FAM135A: variants seen among roughly 807,000 people sequenced by gnomAD.
FAM135A encodes family with sequence similarity 135 member A, also known as protein FAM135A.
A neutral mutation model predicts 146.8 loss-of-function variants in FAM135A; 79 were observed. The ratio of observed to expected loss-of-function variants is 0.54; its 90% confidence interval spans 0.45 to 0.65. The LOEUF is 0.65. Ranked by LOEUF, FAM135A falls within the 30% of genes least tolerant of loss-of-function variation. The pLI, the probability that FAM135A is intolerant of heterozygous loss-of-function variation, is 0.00. For synonymous variants in FAM135A, 562 were observed against 603.6 expected, an observed-to-expected ratio of 0.93 and a Z score of 1.01; for missense variants, 1,623 against 1,758.2, an observed-to-expected ratio of 0.92 and a Z score of 1.38.
At chr6:70,450,716 G>GGTT (rs1776844297) in intron 4 of FAM135A, among the ~76,000 whole-genome samples, 1 of 28,322 alleles carries the variant, frequency 3.5e-5, no homozygotes, top group Non-Finnish European at 7.6e-5. Context: ...CCTTTTAGTT[G>GGTT]TTTTTTTTTT....
intron 18 of FAM135A, among the ~76,000 whole-genome samples, chr6:70,534,684 A>G (rs1313194715): frequency 6.6e-6 from 1 of 152,068 alleles, no homozygotes; most frequent in Non-Finnish European, 1.5e-5. Flanking sequence ...CACCAGTATG[A>G]GTTTCATTAT....
intron 21 of FAM135A, chr6:70,557,412 C>G (rs1364841242): frequency 6.5e-6 from 1 of 153,124 alleles, no homozygotes; most frequent in Non-Finnish European, 1.5e-5. Context: ...AGAACCTGGT[C>G]TCCGGGCGTG....
chr6:70,414,966 A>G (rs1767229266), intron 1 of FAM135A, among the ~76,000 whole-genome samples: 1 of 152,354 alleles, frequency 6.6e-6, no homozygotes, highest in East Asian at 1.9e-4. Context: ...TTTCTTTTTT[A>G]AAATGTATTA....
rs569605378 is a variant in FAM135A at position 70,434,747 on chromosome 6, A to G, written c.77+6328A>G. Among the ~76,000 whole-genome samples, 351 of 152,330 alleles carry G rather than the reference A, an allele frequency of 2.3e-3. 1 individual carries two copies. The highest frequency in any genetic ancestry group is 4.2e-3 in the Non-Finnish European group (284 of 68,034). ...AAGTGCTATGCTTTAATCTTTTATC[A>G]GACTTTGCAAGTGAAATGTTATCAG... On this transcript the variant is annotated intron_variant, in intron 4 of 21. Coordinates refer to ENST00000418814, the MANE Select transcript of FAM135A (RefSeq NM_001162529.3).
intron 5 of FAM135A, 49 bp from the exon 6 acceptor site, chr6:70,475,361 G>A: frequency 7.0e-7 from 1 of 1,424,884 alleles, no homozygotes; most frequent in Middle Eastern, 2.3e-4. Flanking sequence ...TAATTTGCTT[G>A]TGTTATATTT....
chr6:70,524,177 T>C, intron 14 of FAM135A, 56 bp downstream of exon 14: 1 of 1,490,696 alleles, frequency 6.7e-7, no homozygotes, highest in Non-Finnish European at 9.1e-7. Context: ...CAGTATATTC[T>C]TCCTAATATA....
chr6:70,499,854 C>T (rs757455712), intron 11 of FAM135A, among the ~76,000 whole-genome samples: 1 of 152,180 alleles, frequency 6.6e-6, no homozygotes, highest in Non-Finnish European at 1.5e-5. Context: ...TGCTATTATT[C>T]TGCTGGGCTT....
At chr6:70,444,389 T>A (rs1775239459) in intron 4 of FAM135A, among the ~76,000 whole-genome samples, 1 of 150,088 alleles carries the variant, frequency 6.7e-6, no homozygotes, top group Non-Finnish European at 1.5e-5. Context: ...GGTGACAGAG[T>A]AAGTCTGTGT....
chr6:70,452,419 C>T, intron 4 of FAM135A, 73 bp from the exon 5 acceptor site: 1 of 1,069,430 alleles, frequency 9.4e-7, no homozygotes, highest in Non-Finnish European at 1.4e-6. Context: ...AATATGGATA[C>T]AAATGTGGAA....
intron 4 of FAM135A, among the ~76,000 whole-genome samples, chr6:70,449,602 T>C (rs1230663902): frequency 6.6e-6 from 1 of 152,198 alleles, no homozygotes; most frequent in African/African-American, 2.4e-5. Context: ...TTTAAGGCTA[T>C]ATGTAGTATT....
At chr6:70,533,435 A>G (rs1354175102) in intron 17 of FAM135A, among the ~76,000 whole-genome samples, 184 bp downstream of exon 17, 2 of 152,204 alleles carry the variant, frequency 1.3e-5, no homozygotes, top group East Asian at 3.8e-4. Flanking sequence ...ATCTCTTCAC[A>G]TATGAAATAT....
At position 70,542,979 on chromosome 6, in the gene FAM135A, G is replaced by T. The variant is rs942101766; in HGVS notation, c.4228+4578G>T. ...CCATACTCATTATAGTTTATCTCAT[G>T]TCAGTTATTTTTATGTATTAACTTC... is the stretch of plus-strand genomic sequence containing the variant. On this transcript the variant is annotated intron_variant, in intron 20 of 21. Coordinates refer to ENST00000418814, the MANE Select transcript of FAM135A (RefSeq NM_001162529.3). Among the ~76,000 whole-genome samples the T allele has an allele frequency of 4.6e-5, 7 of 152,150 alleles. No individual in the cohort carries two copies. In the South Asian group the frequency reaches 6.2e-4, roughly 14 times the overall value.
chr6:70,545,545 T>A (rs1468546507), intron 20 of FAM135A, among the ~76,000 whole-genome samples: 1 of 151,706 alleles, frequency 6.6e-6, no homozygotes, highest in African/African-American at 2.4e-5. Flanking sequence ...AACCCAGGAG[T>A]TGGAGGCCTG....
chr6:70,547,310 T>A (rs1799024610), intron 20 of FAM135A, among the ~76,000 whole-genome samples: 1 of 152,174 alleles, frequency 6.6e-6, no homozygotes, highest in African/African-American at 2.4e-5. Flanking sequence ...TCAGCTAACA[T>A]TATTTTAGGA....
At chr6:70,500,791 C>T (rs543778625) in intron 11 of FAM135A, among the ~76,000 whole-genome samples, 1 of 152,306 alleles carries the variant, frequency 6.6e-6, no homozygotes, top group South Asian at 2.1e-4. Context: ...GCCCTGTTTG[C>T]CTGGGTATCA....
chr6:70,429,673 CATCA>C (rs1771049730), intron 4 of FAM135A, among the ~76,000 whole-genome samples: 1 of 152,040 alleles, frequency 6.6e-6, no homozygotes, highest in Non-Finnish European at 1.5e-5. Context: ...TTTGGGTAAC[CATCA>C]ATAGTTTCTA....
At chr6:70,474,040 C>G (rs1782132496) in intron 5 of FAM135A, among the ~76,000 whole-genome samples, 1 of 152,132 alleles carries the variant, frequency 6.6e-6, no homozygotes, top group South Asian at 2.1e-4. Flanking sequence ...TGCTCAGGTT[C>G]TGACACTTTA....
intron 12 of FAM135A, among the ~76,000 whole-genome samples, chr6:70,514,141 A>G (rs1582675334): frequency 6.6e-6 from 1 of 151,870 alleles, no homozygotes; most frequent in Non-Finnish European, 1.5e-5. Flanking sequence ...TACTCTAATT[A>G]TATGTATATT....
At chr6:70,457,843 C>A (rs1778664822) in intron 5 of FAM135A, among the ~76,000 whole-genome samples, 1 of 151,918 alleles carries the variant, frequency 6.6e-6, no homozygotes, top group South Asian at 2.1e-4. Flanking sequence ...AAATAGAGTA[C>A]CTTCTCTTAG....
Sources: gnomAD v4.1 joint callset for allele counts (sites outside exome capture counted in the v4.1 genomes callset) on GRCh38, gnomAD v4.1.1 for gene constraint, MANE v1.5 for transcripts, NCBI Gene and HGNC (gene_info 2026-07-23, HGNC 2026-07-21) for gene names.